TICRR: variants seen among roughly 807,000 people sequenced by gnomAD.
TICRR encodes the protein treslin.
A neutral mutation model predicts 178.1 loss-of-function variants in TICRR; 132 were observed. The ratio of observed to expected loss-of-function variants is 0.74; its 90% CI spans 0.64 to 0.86. The LOEUF (loss-of-function observed/expected upper bound fraction) is 0.86. TICRR is among the 40% of genes least tolerant of loss of function. The probability of loss-of-function intolerance (pLI) is 0.00; values close to 1 mark genes in which losing one functional copy is unlikely to be tolerated. For synonymous variants in TICRR, 991 were observed against 900.7 expected, an observed-to-expected ratio of 1.10 and a Z score of -1.79; for missense variants, 2,587 against 2,334.3, an observed-to-expected ratio of 1.11 and a Z score of -2.23.
chr15:89,627,196 T>C lies in TICRR; in HGVS notation c.*110T>C, dbSNP rs943994978. ...TCTTTTGCCATGGTCAGTGTTCAGA[T>C]TGCCATTAGAATGCCTTAGGGTTTT... On this transcript the variant is annotated 3_prime_UTR_variant, in exon 22 of 22. Transcript: ENST00000268138. The C allele has an allele frequency of 2.9e-6, 4 of 1,384,434 alleles. No individual in the cohort carries two copies. Among genetic ancestry groups the C allele is most frequent in the Admixed American group, 3.9e-5 (2 of 51,146 alleles). 85.8% of individuals were successfully genotyped at this position (1,384,434 alleles called of 1,614,324 possible).
intron 4 of TICRR, chr15:89,591,412 C>T (rs989496278): frequency 1.3e-5 from 2 of 152,048 alleles, no homozygotes; most frequent in Admixed American, 6.5e-5. Flanking sequence ...GCGTGAGCCA[C>T]CGTACCCAAC....
intron 1 of TICRR, 67 bp from the exon 2 acceptor site, chr15:89,582,619 T>A (rs1227389940): frequency 1.4e-6 from 2 of 1,443,190 alleles, no homozygotes; most frequent in African/African-American, 2.8e-5. Context: ...TTCTCCTGAT[T>A]TCCTTTACTT....
chr15:89,618,988 TGAA>T (rs1480668682), intron 17 of TICRR, among the ~76,000 whole-genome samples: 1 of 152,140 alleles, frequency 6.6e-6, no homozygotes, highest in African/African-American at 2.4e-5. Context: ...GTATACATGA[TGAA>T]GGAGGGGTTT....
chr15:89,618,400 G>A (rs2141978480), intron 17 of TICRR, among the ~76,000 whole-genome samples, 190 bp downstream of exon 17: 1 of 152,266 alleles, frequency 6.6e-6, no homozygotes, highest in East Asian at 1.9e-4. Context: ...GAGAATTCTG[G>A]AAAAGAAATA....
At chr15:89,596,189 A>G (rs777031862) in intron 7 of TICRR, among the ~76,000 whole-genome samples, 24 of 152,220 alleles carry the variant, frequency 1.6e-4, no homozygotes, top group Non-Finnish European at 2.5e-4. Flanking sequence ...TTTTCAATAA[A>G]TGATGCTGGA....
intron 18 of TICRR, among the ~76,000 whole-genome samples, chr15:89,621,162 G>A (rs1215112751): frequency 6.6e-6 from 1 of 152,076 alleles, no homozygotes; most frequent in African/African-American, 2.4e-5. Context: ...TGGGATTACA[G>A]GCCCCTGCCA....
At position 89,625,315 on chromosome 15, in the gene TICRR, C is replaced by G. The variant is rs762466707; in HGVS notation, c.5005C>G (p.Pro1669Ala). 2 of 1,613,966 alleles carry G rather than the reference C, an allele frequency of 1.2e-6. No individual in the cohort carries two copies. The highest frequency in any genetic ancestry group is 2.7e-5 in the African/African-American group (2 of 74,898). The change falls in exon 20 of 22, where the codon CCA becomes GCA. Residue 1669 changes from proline (P) to alanine (A), a missense_variant. Pro to Ala is a conservative substitution (Grantham distance 27, BLOSUM62 -1). Coordinates refer to ENST00000268138, the MANE Select transcript of TICRR (RefSeq NM_152259.4). ...TCAAACAGATGGGGTTCCTTGGACA[C>G]CATCCCCCAAGCACAGTGGGAAGAC... Reference protein sequence around the residue: ...PFQTDGVPWTPSPKHSGKTTP... With the variant: ...PFQTDGVPWTASPKHSGKTTP...
intron 18 of TICRR, 144 bp downstream of exon 18, chr15:89,619,986 G>T: frequency 1.1e-6 from 1 of 949,138 alleles, no homozygotes; most frequent in Non-Finnish European, 1.5e-6. Flanking sequence ...TCAGGGTGAT[G>T]GCTAGATGGA....
Position 89,624,375 on chromosome 15 carries a change from C to T in TICRR, c.4065C>T (p.Cys1355=). Reference sequence around the variant, plus strand: ...CCAGCGTAGCTGCATCTCTCTCCTGCCCTGTTCCCTCAACTCCCCCTGAAC... The same window carrying T: ...CCAGCGTAGCTGCATCTCTCTCCTGTCCTGTTCCCTCAACTCCCCCTGAAC... The part of the protein sequence containing the change: ...MSPSVAASLS[C]PVPSTPPELS... Residue 1355 remains cysteine (C), a synonymous_variant, in exon 20 of 22, where the codon TGC becomes TGT. Transcript: ENST00000268138. 1 of 1,614,106 alleles carries T rather than the reference C, an allele frequency of 6.2e-7. No individual in the cohort carries two copies. Among genetic ancestry groups the T allele is most frequent in the South Asian group, 1.1e-5 (1 of 91,080 alleles).
intron 7 of TICRR, among the ~76,000 whole-genome samples, chr15:89,599,098 G>T (rs1963049127): frequency 1.3e-5 from 2 of 151,820 alleles, no homozygotes; most frequent in South Asian, 4.2e-4. Flanking sequence ...ATTCTTCGTT[G>T]TAGGGCTGTC....
At position 89,582,898 on chromosome 15, in the gene TICRR, C is replaced by G. The variant is rs749407517; in HGVS notation, c.867C>G (p.Leu289=). 1.1e-5 allele frequency: 17 copies of G among 1,614,098 alleles called. No individual in the cohort carries two copies. The highest frequency in any genetic ancestry group is 1.4e-5 in the Non-Finnish European group (17 of 1,180,010). The stretch of plus-strand genomic sequence containing the variant: ...CTGATGCCACTTTAAACCGTTTGCT[C>G]TACAATTCTCCTGAGTATGAGGCCT... ...LPTDATLNRL[L]YNSPEYEASF... The change falls in exon 2 of 22, where the codon CTC becomes CTG. Residue 289 remains leucine, a synonymous_variant. Transcript: ENST00000268138.
In TICRR at chr15:89,624,798, T is replaced by C. The variant is rs1963487709; in HGVS notation, c.4488T>C (p.Ala1496=). ...GTGAGGGGCTAAGGACAGCAGATGC[T>C]GAGAAGTCTTCTCTGTCTCACCCTG... The part of the protein sequence containing the change: ...EEGEGLRTAD[A]EKSSLSHPGI... The change falls in exon 20 of 22, where the codon GCT becomes GCC. Residue 1496 remains alanine (A), a synonymous_variant. Coordinates refer to ENST00000268138, the MANE Select transcript of TICRR (RefSeq NM_152259.4). The C allele has an allele frequency of 6.2e-7, 1 of 1,614,110 alleles. No individual in the cohort carries two copies. Among genetic ancestry groups the C allele is most frequent in the South Asian group, 1.1e-5 (1 of 91,092 alleles).
At position 89,624,819 on chromosome 15, in the gene TICRR, C is replaced by T. The variant is rs1963488245; in HGVS notation, c.4509C>T (p.His1503=). The part of the protein sequence containing the change: ...TADAEKSSLS[H]PGIPPSPPSC... ...ATGCTGAGAAGTCTTCTCTGTCTCACCCTGGGATTCCCCCATCTCCTCCTT... is the reference window on the plus strand; with the variant it reads ...ATGCTGAGAAGTCTTCTCTGTCTCATCCTGGGATTCCCCCATCTCCTCCTT... Residue 1503 remains histidine, a synonymous_variant, in exon 20 of 22, where the codon CAC becomes CAT. Transcript: ENST00000268138. 1.9e-6 allele frequency: 3 copies of T among 1,614,066 alleles called. No individual in the cohort carries two copies. The highest frequency in any genetic ancestry group is 1.3e-5 in the African/African-American group (1 of 74,932).
chr15:89,624,489 G>A lies in TICRR; in HGVS notation c.4179G>A (p.Arg1393=), dbSNP rs745769436. 34 of 1,613,952 alleles carry A rather than the reference G, an allele frequency of 2.1e-5. No homozygotes were observed. In the Middle Eastern group the frequency reaches 2.1e-3, roughly 101 times the overall value. The change falls in exon 20 of 22, where the codon AGG becomes AGA. Residue 1393 remains arginine, a synonymous_variant. Transcript: ENST00000268138. ...GTAGAAAGACCTCTGATCCCAGAAG[G>A]AGCATCGTGGAGTGTCAGCCTGATG... ...KRCRKTSDPR[R]SIVECQPDAS...
At chr15:89,586,714 GC>G (rs1224943956) in intron 4 of TICRR, among the ~76,000 whole-genome samples, 22 of 152,312 alleles carry the variant, frequency 1.4e-4, no homozygotes, top group African/African-American at 5.3e-4. Flanking sequence ...GCAGGGAGTT[GC>G]TGGTAGAGGC....
chr15:89,626,168 TG>T, intron 21 of TICRR, 107 bp downstream of exon 21: 3 of 1,352,648 alleles, frequency 2.2e-6, no homozygotes, highest in Non-Finnish European at 3.0e-6. Context: ...GTGCCAAGTG[TG>T]GGATAGGTGA....
At chr15:89,595,650 G>T (rs568343352) in intron 7 of TICRR, 39 bp downstream of exon 7, 2 of 1,488,768 alleles carry the variant, frequency 1.3e-6, no homozygotes, top group Admixed American at 2.0e-5. Context: ...TTTATACCCC[G>T]CTTTTTTAAA....
intron 7 of TICRR, among the ~76,000 whole-genome samples, chr15:89,597,868 G>C (rs1356893809): frequency 6.6e-6 from 1 of 152,174 alleles, no homozygotes; most frequent in African/African-American, 2.4e-5. Flanking sequence ...TGTGAACATG[G>C]AATATCTCTC....
chr15:89,605,651 C>T (rs1390202706), intron 13 of TICRR, among the ~76,000 whole-genome samples: 2 of 152,208 alleles, frequency 1.3e-5, no homozygotes, highest in Non-Finnish European at 2.9e-5. Flanking sequence ...AGCCTCTGCG[C>T]CCAGCCGGAT....
Sources: allele counts gnomAD v4.1 joint callset (sites outside exome capture counted in the v4.1 genomes callset), GRCh38; gene constraint gnomAD v4.1.1; transcripts MANE v1.5; gene names NCBI Gene and HGNC (gene_info 2026-07-23, HGNC 2026-07-21).